The following CLCN7 variants were observed in gnomAD, a reference collection of about 807,000 sequenced individuals.
CLCN7 encodes the protein Cl-/H+ antiporter 7.
Under a neutral mutation model 102.1 loss-of-function variants are expected in CLCN7, and 60 were observed. The ratio of observed to expected loss-of-function variants is 0.59; its 90% CI spans 0.48 to 0.73. The LOEUF (loss-of-function observed/expected upper bound fraction) is 0.73. CLCN7 is among the 30% of genes least tolerant of loss of function. The pLI, the probability that CLCN7 is intolerant of heterozygous loss-of-function variation, is 0.00. For missense variants in CLCN7, 962 were observed against 1,125.7 expected, an observed-to-expected ratio of 0.85 and a Z score of 2.08; for synonymous variants, 560 against 490.5, an observed-to-expected ratio of 1.14 and a Z score of -1.87.
rs1172853301 is a variant in CLCN7, at chr16:1,474,841, G to C, written c.134C>G (p.Ala45Gly). 7.3e-7 allele frequency: 1 copy of C among 1,361,252 alleles called. No homozygotes were observed. The highest frequency in any genetic ancestry group is 1.7e-5 in the South Asian group (1 of 59,086). The allele number at this position is 1,361,252 out of a possible 1,614,324, so 84.3% of individuals were successfully genotyped here. A position where few individuals can be genotyped will look rare whatever the true frequency, so the allele number is the denominator to read the frequency against. The change falls in exon 1 of 25, where the codon GCG becomes GGG. Residue 45 changes from alanine (A) to glycine (G), a missense_variant. Ala to Gly is a moderately conservative substitution (Grantham distance 60). Around this residue, in one of 2 missense-constraint regions of CLCN7, gnomAD observed 163 missense variants for 137.7 expected, o/e 1.18. Coordinates refer to ENST00000382745, the MANE Select transcript of CLCN7 (RefSeq NM_001287.6). ...PLLNGAGPGA[A>G]RQSPRSALFR... ...CGCCCTGCCCGGCCTCACCTGGCGC[G>C]CAGCCCCAGGCCCAGCCCCGTTCAG...
In CLCN7 at chr16:1,459,120, A is replaced by G; in HGVS notation, c.662T>C (p.Val221Ala). 6.2e-7 allele frequency: 1 copy of G among 1,611,932 alleles called. No homozygotes were observed. Among genetic ancestry groups the G allele is most frequent in the Non-Finnish European group, 8.5e-7 (1 of 1,178,900 alleles). The change falls in exon 7 of 25, where the codon GTG (valine) becomes GCG (alanine). Residue 221 changes from valine (V) to alanine (A), a missense_variant. By Grantham distance (64) the Val-to-Ala change is moderately conservative. Coordinates refer to ENST00000382745, the MANE Select transcript of CLCN7 (RefSeq NM_001287.6). ...CCGCACCCTCACCTTGAGCCGCACC[A>G]CGTGGGGGATCTTCACCCCGTTGAG... ...CFLNGVKIPH[V>A]VRLKTLVIKV...
In CLCN7 at chr16:1,446,145, G is replaced by T; in HGVS notation, c.*486C>A. 3 of 599,396 alleles carry T rather than the reference G, an allele frequency of 5.0e-6. No individual in the cohort carries two copies. Among genetic ancestry groups the T allele is most frequent in the Non-Finnish European group, 8.9e-6 (3 of 337,522 alleles). The allele number at this position is 599,396 out of a possible 1,614,324, so 37.1% of individuals were successfully genotyped here. A position where few individuals can be genotyped will look rare whatever the true frequency, so the allele number is the denominator to read the frequency against. On this transcript the variant is annotated 3_prime_UTR_variant, in exon 25 of 25. Transcript: ENST00000382745. ...GCCTCAGGCCCAGGGACCACAGGCC[G>T]TCTGCTCATGGCTGAAAATGAGGCC...
chr16:1,457,477 C>T lies in CLCN7; in HGVS notation c.739-140G>A, dbSNP rs563763748. ...GACCGATGCTCAGAGACACGCGTGA[C>T]GCGGCCCTTCCTGGAGACCAGAAGG... On this transcript the variant is annotated intron_variant, in intron 8 of 24. Transcript: ENST00000382745. The surrounding 1 kb of genome is among the most constrained non-coding windows in gnomAD (Gnocchi z 5.4). 315 of 574,054 alleles carry T rather than the reference C, an allele frequency of 5.5e-4. 1 individual carries two copies. The highest frequency in any genetic ancestry group is 8.5e-4 in the Non-Finnish European group (265 of 312,104). 35.6% of individuals were successfully genotyped at this position (574,054 alleles called of 1,614,324 possible). A position where few individuals can be genotyped will look rare whatever the true frequency, so the allele number is the denominator to read the frequency against.
chr16:1,450,476 C>T (rs780570030), intron 17 of CLCN7, 21 bp downstream of exon 17: 66 of 1,580,228 alleles, frequency 4.2e-5, no homozygotes, highest in Non-Finnish European at 5.0e-5. Context: ...GCCCCACAGC[C>T]TCCCCTCCGG....
chr16:1,464,322 C>CA (rs2038975799), intron 2 of CLCN7, among the ~76,000 whole-genome samples: 1 of 152,254 alleles, frequency 6.6e-6, no homozygotes, highest in Non-Finnish European at 1.5e-5. Context: ...TGCTGAATCT[C>CA]ACGTGCTGGC....
At chr16:1,450,764 A>G in intron 16 of CLCN7, 98 bp from the exon 17 acceptor site, 1 of 1,072,236 alleles carries the variant, frequency 9.3e-7, no homozygotes, top group South Asian at 1.6e-5. Flanking sequence ...GTCACCTTCC[A>G]GGAGCCCAGC....
intron 16 of CLCN7, 124 bp downstream of exon 16, chr16:1,451,499 G>C (rs1276969962): frequency 1.3e-6 from 1 of 744,590 alleles, no homozygotes; most frequent in Non-Finnish European, 2.3e-6. Flanking sequence ...TCCCTGCTAT[G>C]ATCCATGCTA....
Position 1,450,512 on chromosome 16 carries a change from G to A in CLCN7, c.1602C>T (p.Tyr534=), listed in dbSNP as rs1168317839. The A allele has an allele frequency of 3.7e-6, 6 of 1,606,854 alleles. No homozygotes were observed. Among genetic ancestry groups the A allele is most frequent in the Non-Finnish European group, 5.1e-6 (6 of 1,177,544 alleles). The change falls in exon 17 of 25, where the codon TAC becomes TAT. Residue 534 remains tyrosine, a synonymous_variant. Transcript: ENST00000382745. ...CCCCACTCACCGCCGCCCCCGTGAG[G>A]TAGGACAGGGAGATCCCAAAGAGCC... The part of the protein sequence containing the change: ...WGRLFGISLS[Y]LTGAAIWADP...
chr16:1,469,367 T>C (rs189898807), intron 1 of CLCN7, among the ~76,000 whole-genome samples: 7 of 152,116 alleles, frequency 4.6e-5, no homozygotes, highest in African/African-American at 1.7e-4. Flanking sequence ...TAATATCTGA[T>C]AAGGGATTAA....
intron 1 of CLCN7, among the ~76,000 whole-genome samples, chr16:1,468,066 C>T (rs771320343): frequency 2.6e-5 from 4 of 151,752 alleles, no homozygotes; most frequent in East Asian, 3.9e-4. Flanking sequence ...CTGGGCAACA[C>T]GGCAAGACCC....
At chr16:1,450,299 C>A in intron 17 of CLCN7, 198 bp downstream of exon 17, 5 of 553,628 alleles carry the variant, frequency 9.0e-6, no homozygotes, top group Non-Finnish European at 1.7e-5. Flanking sequence ...ACATGGGCTG[C>A]GCTGCCACAG....
rs1170570279 is a variant in CLCN7, at chr16:1,460,783, C to G, written c.484+33G>C. On this transcript the variant is annotated intron_variant, in intron 5 of 24. Transcript: ENST00000382745. The stretch of plus-strand genomic sequence containing the variant: ...GACTCGGCCCAGGCCACGCCCCCCT[C>G]CCAAGCTGCAGCGGCCGCACTGGGA... 5 of 1,613,700 alleles carry G rather than the reference C, an allele frequency of 3.1e-6. No individual in the cohort carries two copies. The South Asian group carries it at 4.4e-5, about 14-fold the overall frequency.
intron 6 of CLCN7, 50 bp downstream of exon 6, chr16:1,460,368 C>T (rs931621133): frequency 1.5e-6 from 2 of 1,355,590 alleles, no homozygotes; most frequent in Non-Finnish European, 2.1e-6. Flanking sequence ...TTCACCAAGA[C>T]CCCCAATCCT....
intron 1 of CLCN7, among the ~76,000 whole-genome samples, chr16:1,471,096 C>T (rs1178292233): frequency 1.3e-5 from 2 of 152,186 alleles, no homozygotes; most frequent in Non-Finnish European, 2.9e-5. Flanking sequence ...CACTACACCA[C>T]ACAAAGCAAG....
At chr16:1,463,327 T>C (rs1264732194) in intron 2 of CLCN7, among the ~76,000 whole-genome samples, 1 of 152,124 alleles carries the variant, frequency 6.6e-6, no homozygotes. Flanking sequence ...AAAAAACAGA[T>C]TAGCTGAACC....
intron 17 of CLCN7, 76 bp downstream of exon 17, chr16:1,450,421 T>A: frequency 7.1e-7 from 1 of 1,401,782 alleles, no homozygotes; most frequent in Non-Finnish European, 9.8e-7. Flanking sequence ...GCCCTGGGAC[T>A]TCTGCTCCGG....
At chr16:1,469,549 G>C (rs1356527510) in intron 1 of CLCN7, among the ~76,000 whole-genome samples, 1 of 152,080 alleles carries the variant, frequency 6.6e-6, no homozygotes, top group African/African-American at 2.4e-5. Context: ...AGCCGGGCAT[G>C]GTGGTGGGCG....
Position 1,460,837 on chromosome 16 carries a change from T to C in CLCN7, c.463A>G (p.Lys155Glu). The C allele has an allele frequency of 6.2e-7, 1 of 1,614,012 alleles. No individual in the cohort carries two copies. ...ATACTGCCCTTGATGACCCTGTACT[T>C]GAGGCCAGCCAGGTTTTCCACCACG... ...DIVVENLAGL[K>E]YRVIKGNIDK... Residue 155 changes from lysine (K) to glutamate (E), a missense_variant, in exon 5 of 25, where the codon AAG becomes GAG. Coordinates refer to ENST00000382745, the MANE Select transcript of CLCN7 (RefSeq NM_001287.6).
At chr16:1,449,444 C>G in intron 17 of CLCN7, 117 bp from the exon 18 acceptor site, 2 of 895,098 alleles carry the variant, frequency 2.2e-6, no homozygotes, top group South Asian at 2.9e-5. Flanking sequence ...GAACAAACCT[C>G]GTGGCCGCGT....
Sources: allele counts gnomAD v4.1 joint callset (sites outside exome capture counted in the v4.1 genomes callset), GRCh38; gene constraint gnomAD v4.1.1; regional missense constraint gnomAD v4.1.1; non-coding constraint Gnocchi (gnomAD v3.1); transcripts MANE v1.5; gene names NCBI Gene and HGNC (gene_info 2026-07-23, HGNC 2026-07-21).